PTAR1: variants seen among roughly 807,000 people sequenced by gnomAD.
The protein encoded by PTAR1 is protein prenyltransferase alpha subunit repeat-containing protein 1.
Under a neutral mutation model 45.5 loss-of-function variants are expected in PTAR1, and 17 were observed. That is an observed-to-expected ratio of 0.37 (90% confidence interval 0.26 to 0.56). The LOEUF (loss-of-function observed/expected upper bound fraction) is 0.56, where lower values mean the gene tolerates loss of function less well. Among genes scored for constraint, PTAR1 ranks in the 20% least tolerant of loss-of-function variants. The probability of loss-of-function intolerance (pLI) is 0.77; values close to 1 mark genes in which losing one functional copy is unlikely to be tolerated. For synonymous variants in PTAR1, 169 were observed against 171.3 expected (o/e 0.99, Z 0.11); for missense variants, 391 against 476.3 (o/e 0.82, Z 1.67).
intron 5 of PTAR1, among the ~76,000 whole-genome samples, chr9:69,725,295 T>C (rs1489062857): frequency 6.6e-6 from 1 of 152,034 alleles, no homozygotes; most frequent in Non-Finnish European, 1.5e-5. Flanking sequence ...AGCACACATA[T>C]AAAAGATGTT....
chr9:69,743,668 A>C (rs1826136725), intron 2 of PTAR1, among the ~76,000 whole-genome samples: 1 of 152,166 alleles, frequency 6.6e-6, no homozygotes, highest in African/African-American at 2.4e-5. Context: ...CACTAACTTA[A>C]TGTTTATCAA....
chr9:69,738,146 T>C (rs1227570355), intron 3 of PTAR1, among the ~76,000 whole-genome samples: 2 of 152,186 alleles, frequency 1.3e-5, no homozygotes, highest in African/African-American at 4.8e-5. Flanking sequence ...ACTTTGACAG[T>C]TTTGAGAATA....
chr9:69,755,110 A>G (rs944034339), intron 1 of PTAR1, among the ~76,000 whole-genome samples: 6 of 152,174 alleles, frequency 3.9e-5, no homozygotes, highest in African/African-American at 1.4e-4. Context: ...CTGGCCATTT[A>G]CATTCCTGGT....
chr9:69,745,728 C>T (rs1826246884), intron 2 of PTAR1, among the ~76,000 whole-genome samples: 1 of 152,192 alleles, frequency 6.6e-6, no homozygotes, highest in Non-Finnish European at 1.5e-5. Context: ...ATCACTTAAT[C>T]TCTCTAGGCC....
chr9:69,731,235 G>C (rs1825519784), intron 5 of PTAR1, among the ~76,000 whole-genome samples: 1 of 152,162 alleles, frequency 6.6e-6, no homozygotes, highest in African/African-American at 2.4e-5. Flanking sequence ...GATGTAGGAA[G>C]AAGAGGGTGG....
chr9:69,720,022 T>G (rs1588442314), intron 6 of PTAR1, among the ~76,000 whole-genome samples: 1 of 152,090 alleles, frequency 6.6e-6, no homozygotes. Flanking sequence ...ACAACAATAT[T>G]GAAATTAGGC....
At chr9:69,723,839 T>C (rs1278404073) in intron 5 of PTAR1, among the ~76,000 whole-genome samples, 1 of 152,186 alleles carries the variant, frequency 6.6e-6, no homozygotes, top group Non-Finnish European at 1.5e-5. Flanking sequence ...GTGATAGATT[T>C]TTTTTTAAGA....
chr9:69,732,253 G>A lies in PTAR1; in HGVS notation c.528C>T (p.Leu176=). The change falls in exon 5 of 8, where the codon CTC becomes CTT. Residue 176 remains leucine, a synonymous_variant. Coordinates refer to ENST00000340434, the MANE Select transcript of PTAR1 (RefSeq NM_001099666.2). ...CACAGACCTCCATCTCTTCTTGTAT[G>A]AGTCGCTGTGCCCTTTCTGTGGGAA... ...GTIPTERAQR[L]IQEEMEVCGE... is the part of the protein sequence containing the mutation. The A allele has an allele frequency of 6.2e-7, 1 of 1,613,762 alleles. No individual in the cohort carries two copies. Among genetic ancestry groups the A allele is most frequent in the South Asian group, 1.1e-5 (1 of 91,080 alleles).
chr9:69,732,356 T>C lies in PTAR1; in HGVS notation c.429-4A>G. On this transcript the variant is annotated splice_polypyrimidine_tract_variant and splice_region_variant and intron_variant, in intron 4 of 7. Transcript: ENST00000340434. The stretch of plus-strand genomic sequence containing the variant: ...TAGCTGTTGTAGCACCCATCGCCTG[T>C]TAAGGCAGCATGTGGGAAAGAGAAC... 5 of 1,601,552 alleles carry C rather than the reference T, an allele frequency of 3.1e-6. No homozygotes were observed. The highest frequency in any genetic ancestry group is 1.1e-5 in the South Asian group (1 of 90,828).
intron 1 of PTAR1, chr9:69,756,995 C>T (rs904381603): frequency 6.6e-6 from 1 of 152,088 alleles, no homozygotes; most frequent in African/African-American, 2.4e-5. Context: ...CTAGTGGCTA[C>T]CATATGGAAC....
intron 5 of PTAR1, among the ~76,000 whole-genome samples, chr9:69,727,455 C>T (rs917589489): frequency 6.6e-6 from 1 of 151,640 alleles, no homozygotes; most frequent in African/African-American, 2.4e-5. Context: ...TAATGTGAGT[C>T]TCTTTTCTTC....
At chr9:69,725,856 T>C (rs1564129839) in intron 5 of PTAR1, among the ~76,000 whole-genome samples, 1 of 152,096 alleles carries the variant, frequency 6.6e-6, no homozygotes, top group Non-Finnish European at 1.5e-5. Flanking sequence ...TATGAAGATA[T>C]GGCTTTAATG....
In PTAR1 at chr9:69,741,806, A is replaced by C. The variant is rs1405203340; in HGVS notation, c.309T>G (p.Thr103=). ...TLLLLNPDFT[T]AWNVRKELIL... is the part of the protein sequence containing the mutation. ...AAATGACATACCTCACGTTCCATGC[A>C]GTGGTAAAGTCTGGGTTTAGAAGCA... The change falls in exon 3 of 8, where the codon ACT becomes ACG. Residue 103 remains threonine (T), a synonymous_variant. Transcript: ENST00000340434. The C allele has an allele frequency of 6.3e-7, 1 of 1,598,078 alleles. No individual in the cohort carries two copies.
chr9:69,739,669 T>C (rs1825953154), intron 3 of PTAR1, among the ~76,000 whole-genome samples: 1 of 152,180 alleles, frequency 6.6e-6, no homozygotes, highest in African/African-American at 2.4e-5. Flanking sequence ...GTGTATTTGA[T>C]ACGCAATAGA....
chr9:69,752,819 G>A (rs966321054), intron 1 of PTAR1, among the ~76,000 whole-genome samples: 6 of 152,016 alleles, frequency 3.9e-5, no homozygotes, highest in African/African-American at 1.4e-4. Context: ...TATATTTTGT[G>A]CATCTCTATT....
At chr9:69,752,865 T>G (rs1446840788) in intron 1 of PTAR1, among the ~76,000 whole-genome samples, 1 of 152,124 alleles carries the variant, frequency 6.6e-6, no homozygotes, top group African/African-American at 2.4e-5. Flanking sequence ...TTCATTATTA[T>G]GACCCCTAGC....
intron 2 of PTAR1, among the ~76,000 whole-genome samples, chr9:69,746,555 C>T (rs773074826): frequency 5.3e-5 from 8 of 152,150 alleles, no homozygotes; most frequent in Non-Finnish European, 1.0e-4. Context: ...TGCAGTTTCA[C>T]CCAAAAGACA....
intron 6 of PTAR1, among the ~76,000 whole-genome samples, chr9:69,719,419 T>C (rs1039969679): frequency 3.9e-5 from 6 of 152,186 alleles, no homozygotes; most frequent in East Asian, 1.9e-4. Context: ...GGCACATCCA[T>C]GTACAATGAA....
intron 1 of PTAR1, among the ~76,000 whole-genome samples, chr9:69,759,252 A>T (rs1826958829): frequency 6.6e-6 from 1 of 152,132 alleles, no homozygotes; most frequent in African/African-American, 2.4e-5. Flanking sequence ...TTTATCCCAG[A>T]CTCCACACTG....
Sources: allele counts gnomAD v4.1 joint callset (sites outside exome capture counted in the v4.1 genomes callset), GRCh38; gene constraint gnomAD v4.1.1; transcripts MANE v1.5; gene names NCBI Gene and HGNC (gene_info 2026-07-23, HGNC 2026-07-21).